DRAXIN: variants seen among roughly 807,000 people sequenced by gnomAD.
The protein encoded by DRAXIN is dorsal repulsive axon guidance protein.
Under a neutral mutation model 33.9 loss-of-function variants are expected in DRAXIN, and 27 were observed. That is an observed-to-expected ratio of 0.80 (90% CI 0.59 to 1.10). The LOEUF (loss-of-function observed/expected upper bound fraction) is 1.10, where lower values mean the gene tolerates loss of function less well. DRAXIN is among the 50% of genes least tolerant of loss of function. The probability of loss-of-function intolerance (pLI) is 0.00; values close to 1 mark genes in which losing one functional copy is unlikely to be tolerated. For missense variants in DRAXIN, 371 were observed against 460.8 expected, an observed-to-expected ratio of 0.81 and a Z score of 1.78; for synonymous variants, 178 against 194.0, an observed-to-expected ratio of 0.92 and a Z score of 0.69.
chr1:11,711,116 A>AC (rs1230371384), intron 3 of DRAXIN, among the ~76,000 whole-genome samples: 7 of 152,188 alleles, frequency 4.6e-5, no homozygotes, highest in Non-Finnish European at 8.8e-5. Flanking sequence ...ACATGGTGAA[A>AC]CCCCGTCTCT....
At position 11,719,970 on chromosome 1, in the gene DRAXIN, C is replaced by G; in HGVS notation, c.*274C>G. On this transcript the variant is annotated 3_prime_UTR_variant, in exon 7 of 7. Coordinates refer to ENST00000294485, the MANE Select transcript of DRAXIN (RefSeq NM_198545.4). ...GCGATGGCAATGCCGAGAGTGCCCT[C>G]TACTGTCCGACTCCAGCACTGCAAC... 2.3e-6 allele frequency: 1 copy of G among 442,270 alleles called. No individual in the cohort carries two copies. The highest frequency in any genetic ancestry group is 4.2e-6 in the Non-Finnish European group (1 of 236,950). 27.4% of individuals were successfully genotyped at this position (442,270 alleles called of 1,614,324 possible).
intron 4 of DRAXIN, among the ~76,000 whole-genome samples, 180 bp from the exon 5 acceptor site, chr1:11,712,160 C>G (rs976110619): frequency 6.6e-6 from 1 of 152,094 alleles, no homozygotes; most frequent in South Asian, 2.1e-4. Flanking sequence ...TTATCACGTG[C>G]CACACGCTTC....
rs144531623 is a variant in DRAXIN, at chr1:11,712,393, G to C, written c.811G>C (p.Gly271Arg). ...SDGNETSPAE[G>R]EPCDHHQDCL... is the part of the protein sequence containing the mutation. ...TGGTAACGAAACATCACCAGCCGAA[G>C]GGGAACCATGCGACCATCACCAAGA... The change falls in exon 5 of 7, where the codon GGG becomes CGG. Residue 271 changes from glycine (G) to arginine (R), a missense_variant. Physicochemically the swap from Gly to Arg is moderately radical, Grantham distance 125. Transcript: ENST00000294485. The C allele has an allele frequency of 9.3e-6, 15 of 1,613,938 alleles. No homozygotes were observed. In the African/African-American group the frequency reaches 1.9e-4, roughly 20 times the overall value.
At chr1:11,710,202 GAA>G (rs1641461267) in intron 3 of DRAXIN, among the ~76,000 whole-genome samples, 1 of 108,900 alleles carries the variant, frequency 9.2e-6, no homozygotes, top group Non-Finnish European at 1.9e-5. Context: ...AAAAAAAAAA[GAA>G]ATGTGGGGCG....
At chr1:11,699,475 T>G (rs905016278) in intron 1 of DRAXIN, among the ~76,000 whole-genome samples, 1 of 152,138 alleles carries the variant, frequency 6.6e-6, no homozygotes, top group African/African-American at 2.4e-5. Context: ...TTATAATAAT[T>G]ACTTATTTTA....
At position 11,721,676 on chromosome 1, in the gene DRAXIN, A is replaced by C. The variant is rs1315117297; in HGVS notation, c.*1980A>C. The C allele has an allele frequency of 5.9e-5, 9 of 152,416 alleles. No homozygotes were observed. Among genetic ancestry groups the C allele is most frequent in the Admixed American group, 5.9e-4 (9 of 15,272 alleles). 9.4% of individuals were successfully genotyped at this position (152,416 alleles called of 1,614,324 possible). On this transcript the variant is annotated 3_prime_UTR_variant, in exon 7 of 7. Coordinates refer to ENST00000294485, the MANE Select transcript of DRAXIN (RefSeq NM_198545.4). Reference sequence around the variant, plus strand: ...GGGAGGGCAGGGGAACTGGGAGATCAAAGCAGGCTAGCTGAAAGGCAGATA... The same window carrying C: ...GGGAGGGCAGGGGAACTGGGAGATCCAAGCAGGCTAGCTGAAAGGCAGATA...
intron 5 of DRAXIN, 138 bp downstream of exon 5, chr1:11,712,567 C>G: frequency 1.2e-6 from 1 of 823,948 alleles, no homozygotes; most frequent in Non-Finnish European, 1.9e-6. Flanking sequence ...ACAGCTGCCA[C>G]TTTCCTGAGA....
intron 5 of DRAXIN, 139 bp downstream of exon 5, chr1:11,712,568 T>C: frequency 1.2e-6 from 1 of 819,366 alleles, no homozygotes; most frequent in Non-Finnish European, 1.9e-6. Flanking sequence ...CAGCTGCCAC[T>C]TTCCTGAGAG....
rs142881362 is a variant in DRAXIN at position 11,694,995 on chromosome 1, C to A, written c.-11+3142C>A. ...CAGAGCAACTGGAAGGAGCTCATTG[C>A]AGGACTTAATGGTTTTCAGGTGTAC... On this transcript the variant is annotated intron_variant, in intron 1 of 6. Coordinates refer to ENST00000294485, the MANE Select transcript of DRAXIN (RefSeq NM_198545.4). This position sits in a 1 kb window ranked among gnomAD's most constrained non-coding sequence, Gnocchi z 4.9. Among the ~76,000 whole-genome samples the A allele has an allele frequency of 6.6e-6, 1 of 152,310 alleles. No homozygotes were observed. Among genetic ancestry groups the A allele is most frequent in the East Asian group, 1.9e-4 (1 of 5,174 alleles).
chr1:11,709,729 C>T (rs1641446940), intron 3 of DRAXIN, among the ~76,000 whole-genome samples: 1 of 152,226 alleles, frequency 6.6e-6, no homozygotes, highest in Admixed American at 6.5e-5. Context: ...AGCGGTAGCT[C>T]AGCATGCTGG....
chr1:11,691,200 CGG>C (rs1641057216), upstream of DRAXIN, among the ~76,000 whole-genome samples: 1 of 151,812 alleles, frequency 6.6e-6, no homozygotes, highest in Non-Finnish European at 1.5e-5. Flanking sequence ...ACAGTCTAGG[CGG>C]AATAATCCTT....
Position 11,709,227 on chromosome 1 carries a change from G to A in DRAXIN, c.452-48G>A, listed in dbSNP as rs771972038. ...CGTGGGTTCTACTGTAGACTGCCAC[G>A]AGGTGGCAAGCAGATATAGCCCCCG... On this transcript the variant is annotated intron_variant, in intron 2 of 6. Coordinates refer to ENST00000294485, the MANE Select transcript of DRAXIN (RefSeq NM_198545.4). The A allele has an allele frequency of 8.5e-6, 13 of 1,535,366 alleles. No individual in the cohort carries two copies. The East Asian group carries it at 9.3e-5, about 11-fold the overall frequency.
Position 11,719,703 on chromosome 1 carries a change from C to T in DRAXIN, c.*7C>T, listed in dbSNP as rs766979885. 2.5e-6 allele frequency: 4 copies of T among 1,612,608 alleles called. No individual in the cohort carries two copies. The highest frequency in any genetic ancestry group is 3.3e-5 in the Admixed American group (2 of 59,938). On this transcript the variant is annotated 3_prime_UTR_variant, in exon 7 of 7. Transcript: ENST00000294485. ...ATCCTTCATCAACGTCTAGCGGCCCCGCGGGACTGGGGACTGAGCCCAGGA... is the reference window on the plus strand; with the variant it reads ...ATCCTTCATCAACGTCTAGCGGCCCTGCGGGACTGGGGACTGAGCCCAGGA...
rs1324414729 is a variant in DRAXIN, at chr1:11,721,078, T to G, written c.*1382T>G. The G allele has an allele frequency of 6.6e-6, 1 of 152,156 alleles. No homozygotes were observed. The highest frequency in any genetic ancestry group is 1.5e-5 in the Non-Finnish European group (1 of 68,034). 9.4% of individuals were successfully genotyped at this position (152,156 alleles called of 1,614,324 possible). On this transcript the variant is annotated 3_prime_UTR_variant, in exon 7 of 7. Transcript: ENST00000294485. ...TGATCATCCAGTCCTGGACAGGCAC[T>G]TTACAGTTTTCTGGAGCACTTCCCC...
At chr1:11,715,010 C>A in intron 5 of DRAXIN, 109 bp from the exon 6 acceptor site, 1 of 1,319,896 alleles carries the variant, frequency 7.6e-7, no homozygotes, top group Non-Finnish European at 1.1e-6. Context: ...CCCGCCAGGG[C>A]GCGGCCTGCC....
At chr1:11,689,374 G>T (rs1641020944), upstream of DRAXIN, among the ~76,000 whole-genome samples, 1 of 151,620 alleles carries the variant, frequency 6.6e-6, no homozygotes, top group Non-Finnish European at 1.5e-5. Flanking sequence ...GAGACAGGTG[G>T]ATCACCTGAG....
At chr1:11,686,958 C>G (rs1177329027), upstream of DRAXIN, among the ~76,000 whole-genome samples, 1 of 152,152 alleles carries the variant, frequency 6.6e-6, no homozygotes, top group African/African-American at 2.4e-5. Context: ...TTTCATCACT[C>G]CTGATGTCTT....
At chr1:11,687,914 T>C (rs1049783132), upstream of DRAXIN, among the ~76,000 whole-genome samples, 4 of 152,198 alleles carry the variant, frequency 2.6e-5, no homozygotes, top group African/African-American at 9.7e-5. The surrounding 1 kb of genome is among the most constrained non-coding windows in gnomAD (Gnocchi z 4.1). Flanking sequence ...TACCTCATTT[T>C]ACAGACAAGG....
intron 1 of DRAXIN, among the ~76,000 whole-genome samples, chr1:11,700,327 T>C (rs1478593106): frequency 6.6e-6 from 1 of 152,250 alleles, no homozygotes; most frequent in Non-Finnish European, 1.5e-5. Context: ...GTTACACTCA[T>C]GGATGTGAGG....
Sources: allele counts gnomAD v4.1 joint callset (sites outside exome capture counted in the v4.1 genomes callset), GRCh38; gene constraint gnomAD v4.1.1; non-coding constraint Gnocchi (gnomAD v3.1); transcripts MANE v1.5; gene names NCBI Gene and HGNC (gene_info 2026-07-23, HGNC 2026-07-21).